Variants in GHR observed in about 807,000 individuals in gnomAD.
The protein encoded by GHR is growth hormone receptor.
In GHR, 35 loss-of-function variants were observed where a neutral mutation model predicts 67.1. The ratio of observed to expected loss-of-function variants is 0.52; its 90% CI spans 0.40 to 0.69. The LOEUF is 0.69. Among genes scored for constraint, GHR ranks in the 30% least tolerant of loss-of-function variants. The probability of loss-of-function intolerance (pLI) is 0.00; values close to 1 mark genes in which losing one functional copy is unlikely to be tolerated. For synonymous variants in GHR, 272 were observed against 269.1 expected (o/e 1.01, Z -0.10); for missense variants, 792 against 764.6 (o/e 1.04, Z -0.42).
At chr5:42,582,886 G>A (rs752051368) in intron 2 of GHR, among the ~76,000 whole-genome samples, 3 of 152,324 alleles carry the variant, frequency 2.0e-5, no homozygotes, top group South Asian at 2.1e-4. Flanking sequence ...ACCCCACCAC[G>A]GCAGCTGGTG....
rs1745270375 is a variant in GHR, at chr5:42,475,605, A to G, written c.-12+51650A>G. 2.0e-5 allele frequency among the ~76,000 whole-genome samples: 3 copies of G among 151,270 alleles called. No individual in the cohort carries two copies. In the South Asian group the frequency reaches 6.3e-4, roughly 32 times the overall value. On this transcript the variant is annotated intron_variant, in intron 1 of 9. Transcript: ENST00000230882. ...AATTATGTATTTTTTTTTTTTCTTA[A>G]AAAGGACCCCCCCACCAAATTGTAT...
chr5:42,502,605 G>A (rs572668418), intron 1 of GHR, among the ~76,000 whole-genome samples: 4 of 151,692 alleles, frequency 2.6e-5, no homozygotes, highest in South Asian at 4.2e-4. Context: ...ATATTCTCAC[G>A]CTCTCTCTCA....
intron 3 of GHR, among the ~76,000 whole-genome samples, chr5:42,651,456 G>A (rs967615208): frequency 9.2e-5 from 14 of 152,122 alleles, no homozygotes; most frequent in Non-Finnish European, 2.1e-4. Flanking sequence ...GCAGTCCAGG[G>A]GCCCTACATG....
intron 1 of GHR, among the ~76,000 whole-genome samples, chr5:42,451,103 A>G (rs564724080): frequency 1.3e-5 from 2 of 152,300 alleles, no homozygotes; most frequent in African/African-American, 4.8e-5. Flanking sequence ...TGTATATTCT[A>G]CATTTTTAGG....
In GHR at chr5:42,427,966, A is replaced by C. The variant is rs571175932; in HGVS notation, c.-12+4011A>C. ...TGGCTTTTCCAGGCACATGGTGCTA[A>C]CTGTCAGCCCCTACCATTGGGGGTG... On this transcript the variant is annotated intron_variant, in intron 1 of 9. Coordinates refer to ENST00000230882, the MANE Select transcript of GHR (RefSeq NM_000163.5). Among the ~76,000 whole-genome samples the C allele has an allele frequency of 5.3e-5, 8 of 152,322 alleles. No individual in the cohort carries two copies. The East Asian group carries it at 1.5e-3, about 29-fold the overall frequency.
At chr5:42,534,120 ATG>A (rs1440596370) in intron 1 of GHR, among the ~76,000 whole-genome samples, 19 of 148,104 alleles carry the variant, frequency 1.3e-4, no homozygotes, top group African/African-American at 3.0e-4. Flanking sequence ...GTATATATGT[ATG>A]TATATATATG....
At chr5:42,496,907 T>G (rs1312170654) in intron 1 of GHR, among the ~76,000 whole-genome samples, 1 of 152,182 alleles carries the variant, frequency 6.6e-6, no homozygotes, top group Non-Finnish European at 1.5e-5. Context: ...TTGGGTCACA[T>G]GCAAGTTATT....
In GHR at chr5:42,442,480, T is replaced by C. The variant is rs76269479; in HGVS notation, c.-12+18525T>C. Among the ~76,000 whole-genome samples the C allele has an allele frequency of 9.1e-3, 1,392 of 152,272 alleles. 20 individuals are homozygous for C. Among genetic ancestry groups the C allele is most frequent in the African/African-American group, 0.032 (1,316 of 41,536 alleles). On this transcript the variant is annotated intron_variant, in intron 1 of 9. Transcript: ENST00000230882. ...ATATTGGCATGGGCAAGGGAGCTTC[T>C]GGAGTGATAAACCAGGAATCTAAGC...
chr5:42,585,922 C>T (rs1394446263), intron 2 of GHR, among the ~76,000 whole-genome samples: 1 of 152,134 alleles, frequency 6.6e-6, no homozygotes, highest in Non-Finnish European at 1.5e-5. Context: ...CCTGGCTCTA[C>T]CTGGATTAGT....
chr5:42,510,455 G>T lies in GHR; in HGVS notation c.-11-55409G>T, dbSNP rs896635706. Among the ~76,000 whole-genome samples the T allele has an allele frequency of 4.1e-4, 62 of 152,300 alleles. 1 individual carries two copies. The highest frequency in any genetic ancestry group is 1.0e-4 in the Non-Finnish European group (7 of 68,036). ...TGAAATCCTTGACTTCATTTGGGCAGATGTTTCTGCTATAACGCTATTTAT... is the reference window on the plus strand; with the variant it reads ...TGAAATCCTTGACTTCATTTGGGCATATGTTTCTGCTATAACGCTATTTAT... On this transcript the variant is annotated intron_variant, in intron 1 of 9. Coordinates refer to ENST00000230882, the MANE Select transcript of GHR (RefSeq NM_000163.5).
At chr5:42,589,318 C>T (rs1751656528) in intron 2 of GHR, among the ~76,000 whole-genome samples, 3 of 152,150 alleles carry the variant, frequency 2.0e-5, no homozygotes, top group Admixed American at 2.0e-4. Flanking sequence ...AACATTTGAA[C>T]TTATCGTTAG....
intron 1 of GHR, among the ~76,000 whole-genome samples, chr5:42,492,547 G>A (rs556454828): frequency 1.2e-4 from 19 of 152,236 alleles, no homozygotes; most frequent in Non-Finnish European, 2.2e-4. Flanking sequence ...TGCTGAATGG[G>A]GCTGTGGTTC....
chr5:42,477,877 C>G (rs1242782870), intron 1 of GHR, among the ~76,000 whole-genome samples: 1 of 152,174 alleles, frequency 6.6e-6, no homozygotes, highest in African/African-American at 2.4e-5. Flanking sequence ...TGCAGAAGCT[C>G]TTGAGTTTAA....
intron 1 of GHR, chr5:42,465,896 T>A: frequency 1.4e-6 from 1 of 713,502 alleles, no homozygotes; most frequent in East Asian, 2.5e-5. Context: ...ATCAAGTGGC[T>A]TTTCAAGTCT....
intron 1 of GHR, among the ~76,000 whole-genome samples, chr5:42,510,700 G>A (rs1424989154): frequency 6.6e-6 from 1 of 152,204 alleles, no homozygotes; most frequent in Non-Finnish European, 1.5e-5. Context: ...AAAAACAGTA[G>A]CATGGAGATG....
intron 3 of GHR, among the ~76,000 whole-genome samples, chr5:42,685,470 T>C (rs1311379120): frequency 6.6e-6 from 1 of 152,200 alleles, no homozygotes; most frequent in Non-Finnish European, 1.5e-5. Context: ...GTGATGGGAT[T>C]GCTGGGTCAA....
At position 42,683,660 on chromosome 5, in the gene GHR, G is replaced by T. The variant is rs933541452; in HGVS notation, c.137-5230G>T. The stretch of plus-strand genomic sequence containing the variant: ...AAAATTTAAAAAAGCCGGAAAGAGA[G>T]AAGGAGGGTGCAGGGTAAAATAAAG... On this transcript the variant is annotated intron_variant, in intron 3 of 9. Transcript: ENST00000230882. Among the ~76,000 whole-genome samples, 3 of 95,568 alleles carry T rather than the reference G, an allele frequency of 3.1e-5. No individual in the cohort carries two copies. In the South Asian group the frequency reaches 9.8e-4, roughly 31 times the overall value. 62.7% of individuals were successfully genotyped at this position (95,568 alleles called of 152,430 possible).
chr5:42,466,269 C>T (rs895653549), intron 1 of GHR, among the ~76,000 whole-genome samples: 1 of 141,398 alleles, frequency 7.1e-6, no homozygotes, highest in African/African-American at 2.7e-5. Context: ...ACAATATCTA[C>T]AATATCAAGG....
At chr5:42,610,044 A>G (rs1031238084) in intron 2 of GHR, among the ~76,000 whole-genome samples, 3 of 152,188 alleles carry the variant, frequency 2.0e-5, no homozygotes, top group African/African-American at 7.2e-5. Context: ...ACAATTTTAT[A>G]AGTGTGATAT....
Sources: gnomAD v4.1 joint callset for allele counts (sites outside exome capture counted in the v4.1 genomes callset) on GRCh38, gnomAD v4.1.1 for gene constraint, MANE v1.5 for transcripts, NCBI Gene and HGNC (gene_info 2026-07-23, HGNC 2026-07-21) for gene names.